The following COX11 variants were observed in gnomAD, a reference collection of about 807,000 sequenced individuals.
COX11 encodes the protein cytochrome c oxidase assembly protein COX11, mitochondrial.
COX11 carries 18 observed loss-of-function variants against 29.4 expected under a neutral mutation model. The observed-to-expected ratio is 0.61, with a 90% CI of 0.42 to 0.91. COX11 has a LOEUF of 0.91. COX11 is among the 40% of genes least tolerant of loss of function. The pLI is 0.00. For missense variants in COX11, 312 were observed against 346.0 expected (o/e 0.90, Z 0.78); for synonymous variants, 131 against 124.0 (o/e 1.06, Z -0.38).
intron 1 of COX11, 100 bp downstream of exon 1, chr17:54,968,181 C>G: frequency 6.6e-7 from 1 of 1,514,518 alleles, no homozygotes; most frequent in East Asian, 2.3e-5. Flanking sequence ...TCGGAAACCT[C>G]TTCCACCTAC....
In COX11 at chr17:54,961,399, T is replaced by A. The variant is rs1373182770; in HGVS notation, c.*1334A>T. ...ATTAAATAGAATAACAGTTCCAGGA[T>A]AACACTGATTCCTGACAACAGCGTG... On this transcript the variant is annotated 3_prime_UTR_variant, in exon 4 of 4. Transcript: ENST00000299335. The A allele has an allele frequency of 1.9e-6, 3 of 1,541,482 alleles. No homozygotes were observed. The highest frequency in any genetic ancestry group is 2.8e-5 in the African/African-American group (2 of 72,592).
Position 54,962,834 on chromosome 17 carries a change from C to A in COX11, c.730G>T (p.Ala244Ser), listed in dbSNP as rs1269413739. ...PVFFYIDPEF[A>S]EDPRMIKVDL... ...ACTTTAATCATTCTTGGATCTTCAGCAAATTCAGGATCAATGTAGAAAAAC... is the reference window on the plus strand; with the variant it reads ...ACTTTAATCATTCTTGGATCTTCAGAAAATTCAGGATCAATGTAGAAAAAC... The change falls in exon 4 of 4, where the codon GCT becomes TCT. Residue 244 changes from alanine to serine, a missense_variant. Around this residue, in one of 2 missense-constraint regions of COX11, gnomAD observed 182 missense variants for 240.0 expected, o/e 0.76. Transcript: ENST00000299335. 2.5e-6 allele frequency: 4 copies of A among 1,613,106 alleles called. No homozygotes were observed. The highest frequency in any genetic ancestry group is 2.2e-5 in the East Asian group (1 of 44,748).
At chr17:54,959,715 T>C (rs1475338378), downstream of COX11, among the ~76,000 whole-genome samples, 2 of 150,930 alleles carry the variant, frequency 1.3e-5, no homozygotes, top group African/African-American at 4.9e-5. Flanking sequence ...CCTCCTAGGC[T>C]CCAGTGATCC....
chr17:54,961,173 T>C lies in COX11; in HGVS notation c.*1560A>G. Reference sequence around the variant, plus strand: ...CTTCCCAGTAAAGACAAGAGAGTTATCAAGGAATGGGGAAAGAGAAGGACA... The same window carrying C: ...CTTCCCAGTAAAGACAAGAGAGTTACCAAGGAATGGGGAAAGAGAAGGACA... On this transcript the variant is annotated 3_prime_UTR_variant, in exon 4 of 4. Transcript: ENST00000299335. The C allele has an allele frequency of 8.8e-7, 1 of 1,140,074 alleles. No individual in the cohort carries two copies. Among genetic ancestry groups the C allele is most frequent in the East Asian group, 2.6e-5 (1 of 39,114 alleles). The allele number at this position is 1,140,074 out of a possible 1,614,324, so 70.6% of individuals were successfully genotyped here. A position where few individuals can be genotyped will look rare whatever the true frequency, so the allele number is the denominator to read the frequency against.
Position 54,962,314 on chromosome 17 carries a change from A to G in COX11, c.*419T>C, listed in dbSNP as rs1450782859. ...AGCAACCAACTCTTTTAGACACAAT[A>G]AACATGGTTAGAAGTTCTGGCCTAT... On this transcript the variant is annotated 3_prime_UTR_variant, in exon 4 of 4. Coordinates refer to ENST00000299335, the MANE Select transcript of COX11 (RefSeq NM_004375.5). The G allele has an allele frequency of 3.0e-6, 3 of 987,086 alleles. No individual in the cohort carries two copies. The African/African-American group carries it at 5.2e-5, about 17-fold the overall frequency. 61.1% of individuals were successfully genotyped at this position (987,086 alleles called of 1,614,324 possible).
chr17:54,957,765 GAAGATAC>G (rs1389445565), downstream of COX11: 2 of 152,158 alleles, frequency 1.3e-5, no homozygotes, highest in Non-Finnish European at 2.9e-5. Flanking sequence ...GTATGTTTAT[GAAGATAC>G]ACACGATTCA....
intron 1 of COX11, among the ~76,000 whole-genome samples, chr17:54,965,190 T>G (rs1380266067): frequency 6.6e-6 from 1 of 152,198 alleles, no homozygotes; most frequent in African/African-American, 2.4e-5. Context: ...AAAACACATT[T>G]CCCTTTATTG....
At chr17:54,956,484 A>T (rs8066744), downstream of COX11, among the ~76,000 whole-genome samples, 113,213 of 151,976 alleles carry the variant, frequency 0.74, 42,637 homozygotes, top group African/African-American at 0.84. Context: ...TTTTTTGTAT[A>T]TTTAGTAGAG....
downstream of COX11, chr17:54,957,145 C>T (rs1432112257): frequency 6.6e-6 from 1 of 152,264 alleles, no homozygotes; most frequent in African/African-American, 2.4e-5. Context: ...CCCCTCCTAT[C>T]TGCTTCCAGC....
intron 1 of COX11, among the ~76,000 whole-genome samples, chr17:54,967,654 T>C (rs573172852): frequency 2.1e-5 from 3 of 143,096 alleles, no homozygotes; most frequent in Admixed American, 6.9e-5. Context: ...ATTTGCACTT[T>C]TAACAGGTTC....
intron 2 of COX11, 100 bp from the exon 3 acceptor site, chr17:54,963,531 A>G (rs1353242584): frequency 3.5e-6 from 4 of 1,130,324 alleles, no homozygotes; most frequent in East Asian, 2.6e-5. Flanking sequence ...TCATCAGACC[A>G]TAATACCTAA....
rs2077320596 is a variant in COX11 at position 54,968,574 on chromosome 17, G to C, written c.73C>G (p.Pro25Ala). The C allele has an allele frequency of 6.2e-7, 1 of 1,612,884 alleles. No homozygotes were observed. Among genetic ancestry groups the C allele is most frequent in the Non-Finnish European group, 8.5e-7 (1 of 1,180,016 alleles). ...CGWRWIHPGS[P>A]TRAAERVEPF... ...TCTACCCTCTCTGCAGCCCTGGTTG[G>C]AGACCCAGGGTGGATCCAGCGCCAG... The change falls in exon 1 of 4, where the codon CCA becomes GCA. Residue 25 changes from proline (P) to alanine (A), a missense_variant. By Grantham distance (27) the Pro-to-Ala change is conservative. Coordinates refer to ENST00000299335, the MANE Select transcript of COX11 (RefSeq NM_004375.5).
downstream of COX11, chr17:54,957,267 T>G (rs17817877): frequency 6.6e-6 from 1 of 152,130 alleles, no homozygotes; most frequent in Admixed American, 6.5e-5. Context: ...GAGCAGATGT[T>G]AAGGGACTTA....
Position 54,961,638 on chromosome 17 carries a change from G to A in COX11, c.*1095C>T, listed in dbSNP as rs2077127476. On this transcript the variant is annotated 3_prime_UTR_variant, in exon 4 of 4. Transcript: ENST00000299335. ...AAGCATAAAATGTGAGAAACTGAAT[G>A]TATTATTCAGGAAGAATACTGAGTG... The A allele has an allele frequency of 9.1e-7, 1 of 1,101,564 alleles. No individual in the cohort carries two copies. Among genetic ancestry groups the A allele is most frequent in the African/African-American group, 1.7e-5 (1 of 60,156 alleles). 68.2% of individuals were successfully genotyped at this position (1,101,564 alleles called of 1,614,324 possible).
rs2077125992 is a variant in COX11 at position 54,961,570 on chromosome 17, TAA to T, written c.*1161_*1162del. On this transcript the variant is annotated 3_prime_UTR_variant, in exon 4 of 4. Coordinates refer to ENST00000299335, the MANE Select transcript of COX11 (RefSeq NM_004375.5). ...TTTAGAAATCGTCACACAGCTGTGA[TAA>T]GAGTAGATTATTTTACTATGAAATA... 1.1e-5 allele frequency: 15 copies of T among 1,313,898 alleles called. No individual in the cohort carries two copies. In the South Asian group the frequency reaches 1.4e-4, roughly 12 times the overall value. The allele number at this position is 1,313,898 out of a possible 1,614,324, so 81.4% of individuals were successfully genotyped here.
Position 54,964,859 on chromosome 17 carries a change from A to G in COX11, c.367-7T>C, listed in dbSNP as rs370987442. 5.0e-5 allele frequency: 81 copies of G among 1,610,842 alleles called. No individual in the cohort carries two copies. The African/African-American group carries it at 8.7e-4, about 17-fold the overall frequency. ...ATCCTCCAAGTCCAGTAGTCTAGAA[A>G]AAGATACCAAATATGTTAAACAATA... On this transcript the variant is annotated splice_region_variant and splice_polypyrimidine_tract_variant and intron_variant, in intron 1 of 3. Coordinates refer to ENST00000299335, the MANE Select transcript of COX11 (RefSeq NM_004375.5).
At chr17:54,963,794 A>C (rs2077172835) in intron 2 of COX11, among the ~76,000 whole-genome samples, 1 of 152,044 alleles carries the variant, frequency 6.6e-6, no homozygotes, top group Non-Finnish European at 1.5e-5. Context: ...GTCATGATTG[A>C]CTATTTTTTT....
At chr17:54,953,890 T>C (rs2049359387) in exon 1 of COX11, 2 of 152,308 alleles carry the variant, frequency 1.3e-5, no homozygotes, top group African/African-American at 4.8e-5. Context: ...TTGGGTCATC[T>C]GGGTCCCAAG....
At chr17:54,952,465 A>G (rs1024878905) in exon 1 of COX11, 1 of 151,076 alleles carries the variant, frequency 6.6e-6, no homozygotes, top group African/African-American at 2.4e-5. Context: ...AAAAATCGCT[A>G]GAACCCAGGA....
Sources: allele counts gnomAD v4.1 joint callset (sites outside exome capture counted in the v4.1 genomes callset), GRCh38; gene constraint gnomAD v4.1.1; regional missense constraint gnomAD v4.1.1; transcripts MANE v1.5; gene names NCBI Gene and HGNC (gene_info 2026-07-23, HGNC 2026-07-21).